COL27A1: variants seen among roughly 807,000 people sequenced by gnomAD.
The protein encoded by COL27A1 is collagen type XXVII alpha 1 chain, also known as collagen alpha-1(XXVII) chain.
Under a neutral mutation model 251.3 loss-of-function variants are expected in COL27A1, and 106 were observed. That is an observed-to-expected ratio of 0.42 (90% confidence interval 0.36 to 0.50). COL27A1 has a LOEUF of 0.50. Among genes scored for constraint, COL27A1 ranks in the 20% least tolerant of loss-of-function variants. The pLI, the probability that COL27A1 is intolerant of heterozygous loss-of-function variation, is 0.00. For synonymous variants in COL27A1, 1,000 were observed against 986.3 expected (o/e 1.01, Z -0.26); for missense variants, 2,325 against 2,522.8 (o/e 0.92, Z 1.68).
At chr9:114,235,898 C>T (rs1832360418) in intron 17 of COL27A1, among the ~76,000 whole-genome samples, 1 of 152,118 alleles carries the variant, frequency 6.6e-6, no homozygotes, top group African/African-American at 2.4e-5. Context: ...TTACTGCTAC[C>T]CAGTTGTTCT....
At chr9:114,227,613 T>C (rs1831576209) in intron 14 of COL27A1, among the ~76,000 whole-genome samples, 1 of 151,910 alleles carries the variant, frequency 6.6e-6, no homozygotes, top group African/African-American at 2.4e-5. Context: ...CATTTAGCTA[T>C]TGCTAAGGAG....
intron 14 of COL27A1, among the ~76,000 whole-genome samples, chr9:114,223,624 GAA>G (rs1280176060): frequency 1.3e-5 from 2 of 152,126 alleles, no homozygotes; most frequent in African/African-American, 4.8e-5. Flanking sequence ...TAGAACCACA[GAA>G]ACACACAGTC....
At position 114,257,166 on chromosome 9, in the gene COL27A1, G is replaced by A. The variant is rs745868916; in HGVS notation, c.3142-1375G>A. Among the ~76,000 whole-genome samples, 121 of 152,202 alleles carry A rather than the reference G, an allele frequency of 7.9e-4. 1 individual carries two copies. The highest frequency in any genetic ancestry group is 2.8e-4 in the Non-Finnish European group (19 of 68,032). On this transcript the variant is annotated intron_variant, in intron 27 of 60. Transcript: ENST00000356083. Reference sequence around the variant, plus strand: ...AGGGAAATGGGAAAGTCAAGAGTTCGCTCTGAGGCACCAGATGGGGCTGGG... The same window carrying A: ...AGGGAAATGGGAAAGTCAAGAGTTCACTCTGAGGCACCAGATGGGGCTGGG...
At chr9:114,203,135 T>G (rs1002212970) in intron 7 of COL27A1, among the ~76,000 whole-genome samples, 6 of 152,198 alleles carry the variant, frequency 3.9e-5, no homozygotes, top group Non-Finnish European at 8.8e-5. Context: ...GATGTTATTT[T>G]TGTTTGCTTT....
At chr9:114,160,808 T>G (rs73557956) in intron 1 of COL27A1, among the ~76,000 whole-genome samples, 2,251 of 152,142 alleles carry the variant, frequency 0.015, 69 homozygotes, top group African/African-American at 0.052. Flanking sequence ...GCATGTGCAG[T>G]GAGCTGCGGG....
At chr9:114,276,287 C>T (rs182401251) in intron 37 of COL27A1, among the ~76,000 whole-genome samples, 1 of 152,216 alleles carries the variant, frequency 6.6e-6, no homozygotes, top group South Asian at 2.1e-4. Flanking sequence ...AGACCAAGAC[C>T]TTTTCTGGCC....
Position 114,289,228 on chromosome 9 carries a change from A to G in COL27A1, c.4153-14A>G, listed in dbSNP as rs370118773. ...TCCTGGGGCTGCCTTGCGTCATCTCACCTTGGTTTGCAGGGGCATCCGGGA... is the reference window on the plus strand; with the variant it reads ...TCCTGGGGCTGCCTTGCGTCATCTCGCCTTGGTTTGCAGGGGCATCCGGGA... On this transcript the variant is annotated splice_polypyrimidine_tract_variant and intron_variant, in intron 44 of 60. Transcript: ENST00000356083. 254 of 1,581,314 alleles carry G rather than the reference A, an allele frequency of 1.6e-4. No individual in the cohort carries two copies. Among genetic ancestry groups the G allele is most frequent in the Non-Finnish European group, 2.0e-4 (237 of 1,165,668 alleles).
intron 12 of COL27A1, among the ~76,000 whole-genome samples, chr9:114,211,662 C>T (rs763915086): frequency 6.6e-6 from 1 of 152,206 alleles, no homozygotes; most frequent in Non-Finnish European, 1.5e-5. Flanking sequence ...GATGAGTAAA[C>T]AATGCAGCCA....
chr9:114,291,898 G>T (rs1451432803), intron 48 of COL27A1, among the ~76,000 whole-genome samples: 1 of 152,146 alleles, frequency 6.6e-6, no homozygotes, highest in Non-Finnish European at 1.5e-5. Context: ...CCCGGAATGC[G>T]AGAGGAGAGA....
intron 2 of COL27A1, among the ~76,000 whole-genome samples, chr9:114,166,267 C>G (rs1384562240): frequency 1.2e-5 from 1 of 84,372 alleles, no homozygotes; most frequent in Non-Finnish European, 2.7e-5. Context: ...GTCCATCCAT[C>G]CATCCACCCA....
intron 57 of COL27A1, 57 bp downstream of exon 57, chr9:114,304,730 T>A (rs917421528): frequency 6.8e-7 from 1 of 1,479,738 alleles, no homozygotes; most frequent in South Asian, 1.1e-5. Context: ...CGCAAATAGA[T>A]AATGGCCCAC....
Position 114,159,938 on chromosome 9 carries a change from G to C in COL27A1, c.63-2777G>C, listed in dbSNP as rs536385209. Reference sequence around the variant, plus strand: ...AAGTCATGCCAGAAAGGTTGGCCCTGCCCTTCTCCCCAGGCAACCCCAGGG... The same window carrying C: ...AAGTCATGCCAGAAAGGTTGGCCCTCCCCTTCTCCCCAGGCAACCCCAGGG... On this transcript the variant is annotated intron_variant, in intron 1 of 60. Transcript: ENST00000356083. Among the ~76,000 whole-genome samples the C allele has an allele frequency of 1.8e-4, 28 of 152,326 alleles. No homozygotes were observed. The South Asian group carries it at 5.8e-3, about 32-fold the overall frequency.
intron 14 of COL27A1, 59 bp from the exon 15 acceptor site, chr9:114,231,020 C>G: frequency 6.7e-7 from 1 of 1,501,790 alleles, no homozygotes; most frequent in Non-Finnish European, 9.2e-7. Flanking sequence ...CCCCACCACC[C>G]AGGCCAGCCT....
intron 3 of COL27A1, among the ~76,000 whole-genome samples, chr9:114,173,207 G>A (rs1475278949): frequency 6.6e-6 from 1 of 152,262 alleles, no homozygotes; most frequent in African/African-American, 2.4e-5. Flanking sequence ...GAAGCCCCAC[G>A]CCTGAGAGGA....
intron 5 of COL27A1, among the ~76,000 whole-genome samples, 191 bp downstream of exon 5, chr9:114,183,266 G>A (rs1477210988): frequency 6.6e-6 from 1 of 152,218 alleles, no homozygotes; most frequent in African/African-American, 2.4e-5. Context: ...CAGTGCTTCC[G>A]TCTGGGAGAG....
intron 39 of COL27A1, 133 bp downstream of exon 39, chr9:114,282,697 G>A (rs893144743): frequency 8.3e-6 from 5 of 605,178 alleles, no homozygotes; most frequent in Non-Finnish European, 1.4e-5. Context: ...GGTGCTCATT[G>A]CCCCAGCCAC....
chr9:114,168,455 C>T lies in COL27A1; in HGVS notation c.900C>T (p.Pro300=), dbSNP rs754575629. 9 of 1,613,992 alleles carry T rather than the reference C, an allele frequency of 5.6e-6. No homozygotes were observed. Among genetic ancestry groups the T allele is most frequent in the Non-Finnish European group, 7.6e-6 (9 of 1,179,960 alleles). ...GTVAPATPTK[P]QRTSPTNPHQ... is the part of the protein sequence containing the mutation. ...TGGCACCCGCCACGCCCACCAAGCC[C>T]CAAAGGACTAGCCCCACAAACCCTC... The change falls in exon 3 of 61, where the codon CCC becomes CCT. Residue 300 remains proline (P), a synonymous_variant. Transcript: ENST00000356083.
At chr9:114,201,100 T>C (rs547272507) in intron 7 of COL27A1, among the ~76,000 whole-genome samples, 1 of 152,290 alleles carries the variant, frequency 6.6e-6, no homozygotes, top group East Asian at 1.9e-4. Flanking sequence ...TAAGCAATGA[T>C]TCATCTGGCT....
chr9:114,251,851 C>T (rs189920054), intron 25 of COL27A1, among the ~76,000 whole-genome samples: 1 of 152,362 alleles, frequency 6.6e-6, no homozygotes, highest in East Asian at 1.9e-4. Flanking sequence ...AATAATAACA[C>T]CTTAGCACCA....
Sources: gnomAD v4.1 joint callset for allele counts (sites outside exome capture counted in the v4.1 genomes callset) on GRCh38, gnomAD v4.1.1 for gene constraint, MANE v1.5 for transcripts, NCBI Gene and HGNC (gene_info 2026-07-23, HGNC 2026-07-21) for gene names.